Variants in GRM8 observed in about 807,000 individuals in gnomAD.
GRM8 encodes glutamate metabotropic receptor 8.
In GRM8, 47 loss-of-function variants were observed where a neutral mutation model predicts 87.2. That is an observed-to-expected ratio of 0.54 (90% confidence interval 0.43 to 0.69). The LOEUF (loss-of-function observed/expected upper bound fraction) is 0.69, where lower values mean the gene tolerates loss of function less well. Among genes scored for constraint, GRM8 ranks in the 30% least tolerant of loss-of-function variants. The pLI, the probability that GRM8 is intolerant of heterozygous loss-of-function variation, is 0.00. For synonymous variants in GRM8, 396 were observed against 404.5 expected (o/e 0.98, Z 0.25); for missense variants, 1,019 against 1,139.2 (o/e 0.89, Z 1.52).
chr7:127,189,319 C>A (rs925068944), intron 2 of GRM8, among the ~76,000 whole-genome samples: 1 of 152,146 alleles, frequency 6.6e-6, no homozygotes, highest in Non-Finnish European at 1.5e-5. Context: ...ATCTCCAGTG[C>A]AGAGAAGTGG....
At chr7:126,724,135 G>A (rs1449507130) in intron 7 of GRM8, among the ~76,000 whole-genome samples, 6 of 152,118 alleles carry the variant, frequency 3.9e-5, no homozygotes, top group African/African-American at 1.4e-4. Context: ...GAGGAAGGAA[G>A]CCGACTCAGC....
chr7:126,562,158 C>T (rs1793777353), intron 8 of GRM8, among the ~76,000 whole-genome samples: 1 of 152,018 alleles, frequency 6.6e-6, no homozygotes, highest in East Asian at 1.9e-4. Flanking sequence ...CCATAAACTG[C>T]TAAGCTGGAT....
Position 126,438,920 on chromosome 7 carries a change from T to TA in GRM8, c.*198_*199insT. On this transcript the variant is annotated 3_prime_UTR_variant, in exon 11 of 11. Coordinates refer to ENST00000339582, the MANE Select transcript of GRM8 (RefSeq NM_000845.3). ...ATACTTTAGCTTGACACTCATTGGT[T>TA]TTATTGTATAAAACGGGTTTCTTCA... 8.0e-6 allele frequency: 4 copies of TA among 499,846 alleles called. No homozygotes were observed. Among genetic ancestry groups the TA allele is most frequent in the Non-Finnish European group, 1.4e-5 (4 of 279,706 alleles). The allele number at this position is 499,846 out of a possible 1,614,324, so 31.0% of individuals were successfully genotyped here.
chr7:126,734,019 A>G (rs1040283940), intron 7 of GRM8, among the ~76,000 whole-genome samples: 3 of 152,080 alleles, frequency 2.0e-5, no homozygotes, highest in Admixed American at 6.6e-5. Context: ...TAACTTCTTA[A>G]TATACCTACA....
chr7:126,958,551 C>T (rs756454214), intron 3 of GRM8, among the ~76,000 whole-genome samples: 6 of 152,174 alleles, frequency 3.9e-5, no homozygotes, highest in Non-Finnish European at 7.3e-5. Context: ...CTGGATCCAA[C>T]GCTCGCTTGT....
rs34338362 is a variant in GRM8, at chr7:126,452,433, T to TAAA, written c.2431-6064_2431-6062dup. On this transcript the variant is annotated intron_variant, in intron 9 of 10. Coordinates refer to ENST00000339582, the MANE Select transcript of GRM8 (RefSeq NM_000845.3). ...ACGTACCGTAAAACTTAAAGTATAA[T>TAAA]AAAAAAAAAAAAGGAAAGAAAACTG... is the stretch of plus-strand genomic sequence containing the variant. Among the ~76,000 whole-genome samples, 921 of 143,954 alleles carry TAAA rather than the reference T, an allele frequency of 6.4e-3. 25 individuals are homozygous for TAAA. The East Asian group carries it at 0.075, about 12-fold the overall frequency. 94.4% of individuals were successfully genotyped at this position (143,954 alleles called of 152,430 possible).
At chr7:127,017,807 T>C (rs971883416) in intron 3 of GRM8, among the ~76,000 whole-genome samples, 3 of 151,618 alleles carry the variant, frequency 2.0e-5, no homozygotes, top group East Asian at 1.9e-4. Flanking sequence ...GACAGAAAAA[T>C]AGAAATATAA....
intron 2 of GRM8, among the ~76,000 whole-genome samples, chr7:127,191,958 T>G (rs1173984643): frequency 6.6e-6 from 1 of 152,236 alleles, no homozygotes; most frequent in African/African-American, 2.4e-5. Flanking sequence ...CATGCTCTGT[T>G]AACTTATGTC....
chr7:127,159,932 A>G (rs1294372260), intron 2 of GRM8, among the ~76,000 whole-genome samples: 1 of 152,204 alleles, frequency 6.6e-6, no homozygotes, highest in African/African-American at 2.4e-5. Flanking sequence ...TTCACAAATA[A>G]AAGGTGATTC....
At chr7:126,974,769 T>C (rs1810781347) in intron 3 of GRM8, among the ~76,000 whole-genome samples, 2 of 151,858 alleles carry the variant, frequency 1.3e-5, no homozygotes, top group Non-Finnish European at 2.9e-5. Flanking sequence ...CTGTCTCTAC[T>C]AAAAATATTT....
At chr7:126,577,239 C>T (rs552066196) in intron 8 of GRM8, among the ~76,000 whole-genome samples, 1 of 152,124 alleles carries the variant, frequency 6.6e-6, no homozygotes, top group Non-Finnish European at 1.5e-5. Flanking sequence ...AATGGTATCT[C>T]GTTTCTTAAC....
At chr7:126,705,175 A>G (rs1286288333) in intron 7 of GRM8, among the ~76,000 whole-genome samples, 1 of 152,106 alleles carries the variant, frequency 6.6e-6, no homozygotes, top group Non-Finnish European at 1.5e-5. Context: ...CAGGTTCCCC[A>G]ATAATCAGTA....
chr7:126,994,440 G>GA (rs1184861491), intron 3 of GRM8, among the ~76,000 whole-genome samples: 1 of 152,142 alleles, frequency 6.6e-6, no homozygotes, highest in Non-Finnish European at 1.5e-5. Flanking sequence ...GGCTCTTAGG[G>GA]ATCCCTGAAT....
chr7:126,509,282 T>C (rs1194641921), intron 9 of GRM8, among the ~76,000 whole-genome samples: 4 of 152,040 alleles, frequency 2.6e-5, no homozygotes, highest in Admixed American at 6.6e-5. Context: ...TAATATCACA[T>C]AGTGGAATTT....
chr7:127,142,989 A>G (rs1828361711), intron 2 of GRM8, among the ~76,000 whole-genome samples: 1 of 152,186 alleles, frequency 6.6e-6, no homozygotes, highest in Non-Finnish European at 1.5e-5. Context: ...CACCACTCCA[A>G]GGAGAGAACC....
intron 7 of GRM8, among the ~76,000 whole-genome samples, chr7:126,650,779 T>C (rs1803742401): frequency 6.6e-6 from 1 of 151,772 alleles, no homozygotes; most frequent in African/African-American, 2.4e-5. Context: ...GGATAACCCA[T>C]TCAATGGATA....
chr7:126,446,040 C>T (rs766104434), intron 10 of GRM8, 86 bp downstream of exon 10: 8 of 1,518,912 alleles, frequency 5.3e-6, no homozygotes, highest in Non-Finnish European at 6.4e-6. Flanking sequence ...TAGCACAATC[C>T]CCAAGACTAG....
chr7:126,465,839 A>C (rs1804432421), intron 9 of GRM8, among the ~76,000 whole-genome samples: 1 of 151,856 alleles, frequency 6.6e-6, no homozygotes, highest in Non-Finnish European at 1.5e-5. Context: ...TACAATATTG[A>C]ATAACAGAAA....
At chr7:126,626,741 C>T (rs1800738003) in intron 7 of GRM8, among the ~76,000 whole-genome samples, 1 of 152,178 alleles carries the variant, frequency 6.6e-6, no homozygotes, top group African/African-American at 2.4e-5. Flanking sequence ...AACAATCTGG[C>T]TGGCATGTTG....
Sources: allele counts gnomAD v4.1 joint callset (sites outside exome capture counted in the v4.1 genomes callset), GRCh38; gene constraint gnomAD v4.1.1; transcripts MANE v1.5; gene names NCBI Gene and HGNC (gene_info 2026-07-23, HGNC 2026-07-21).